Variants in MINDY4 observed in about 807,000 individuals in gnomAD.
MINDY4 encodes the protein MINDY lysine 48 deubiquitinase 4.
A neutral mutation model predicts 87.0 loss-of-function variants in MINDY4; 68 were observed. The ratio of observed to expected loss-of-function variants is 0.78; its 90% CI spans 0.64 to 0.96. MINDY4 has a LOEUF of 0.96. Ranked by LOEUF, MINDY4 falls within the 40% of genes least tolerant of loss-of-function variation. The pLI is 0.00. For synonymous variants in MINDY4, 379 were observed against 363.2 expected, an observed-to-expected ratio of 1.04 and a Z score of -0.50; for missense variants, 919 against 928.2, an observed-to-expected ratio of 0.99 and a Z score of 0.13.
In MINDY4 at chr7:30,839,309, A is replaced by G. The variant is rs754161745; in HGVS notation, c.1349A>G (p.Gln450Arg). The part of the protein sequence containing the change: ...NTASLKYGIV[Q>R]NKGGPCGVLA... ...GCCTCATTAAAATACGGCATAGTGC[A>G]GAACAAGGCAGGTTGCTCCTAGGTT... Residue 450 changes from glutamine to arginine, a missense_variant, in exon 8 of 18, where the codon CAG becomes CGG. Coordinates refer to ENST00000265299, the MANE Select transcript of MINDY4 (RefSeq NM_032222.3). The G allele has an allele frequency of 4.4e-6, 7 of 1,586,478 alleles. No homozygotes were observed. In the African/African-American group the frequency reaches 5.4e-5, roughly 12 times the overall value.
rs1269632033 is a variant in MINDY4 at position 30,836,702 on chromosome 7, C to T, written c.1177C>T (p.Pro393Ser). The T allele has an allele frequency of 3.1e-6, 5 of 1,614,124 alleles. No homozygotes were observed. In the Middle Eastern group the frequency reaches 6.6e-4, roughly 213 times the overall value. ...ELIREEVILS[P>S]VPSVLKLQTA... ...GATAAGGGAAGAGGTCATCCTGTCG[C>T]CAGTCCCATCAGTGCTCAAGTTGCA... Residue 393 changes from proline to serine, a missense_variant, in exon 7 of 18, where the codon CCA (proline) becomes TCA (serine). Transcript: ENST00000265299.
chr7:30,888,596 C>T (rs1252858205), intron 17 of MINDY4, among the ~76,000 whole-genome samples: 2 of 152,216 alleles, frequency 1.3e-5, no homozygotes, highest in Non-Finnish European at 2.9e-5. Context: ...ATGCAGAGCC[C>T]TTCTTACTTG....
chr7:30,838,691 G>C (rs539433623), intron 7 of MINDY4, among the ~76,000 whole-genome samples: 1 of 152,128 alleles, frequency 6.6e-6, no homozygotes, highest in Non-Finnish European at 1.5e-5. Context: ...TCTCAAACCC[G>C]GCACACTGTG....
chr7:30,863,825 A>G (rs956163035), intron 13 of MINDY4, among the ~76,000 whole-genome samples: 1 of 152,178 alleles, frequency 6.6e-6, no homozygotes, highest in Admixed American at 6.5e-5. Flanking sequence ...TTTCTTTTCT[A>G]AGATCTCGAA....
At chr7:30,829,040 G>A (rs1444105718) in intron 6 of MINDY4, among the ~76,000 whole-genome samples, 1 of 152,194 alleles carries the variant, frequency 6.6e-6, no homozygotes, top group Non-Finnish European at 1.5e-5. Flanking sequence ...CTCTTAGTAA[G>A]TTAACTAAGG....
intron 5 of MINDY4, chr7:30,803,260 G>A (rs1401441451): frequency 6.6e-6 from 1 of 152,222 alleles, no homozygotes; most frequent in African/African-American, 2.4e-5. Flanking sequence ...CCTGAGTATA[G>A]GGGTGACTTG....
At chr7:30,777,837 C>T (rs777298955) in intron 1 of MINDY4, among the ~76,000 whole-genome samples, 1 of 152,200 alleles carries the variant, frequency 6.6e-6, no homozygotes, top group African/African-American at 2.4e-5. Flanking sequence ...ACCCTCACTT[C>T]GCCAACCCCA....
At position 30,785,872 on chromosome 7, in the gene MINDY4, G is replaced by C; in HGVS notation, c.543G>C (p.Lys181Asn). Reference protein sequence around the residue: ...ETPVLTSAWEKIDKLHSEPSL... With the variant: ...ETPVLTSAWENIDKLHSEPSL... ...CTGTGTTGACTTCTGCATGGGAGAA[G>C]ATAGACAAGCTTCACTCGGAGCCTT... Residue 181 changes from lysine (K) to asparagine (N), a missense_variant, in exon 4 of 18, where the codon AAG (lysine) becomes AAC (asparagine). By Grantham distance (94) the Lys-to-Asn change is moderately conservative. Coordinates refer to ENST00000265299, the MANE Select transcript of MINDY4 (RefSeq NM_032222.3). 1 of 1,614,256 alleles carries C rather than the reference G, an allele frequency of 6.2e-7. No homozygotes were observed. Among genetic ancestry groups the C allele is most frequent in the Middle Eastern group, 1.6e-4 (1 of 6,062 alleles).
chr7:30,784,918 C>T (rs193209751), intron 3 of MINDY4, among the ~76,000 whole-genome samples: 1 of 152,288 alleles, frequency 6.6e-6, no homozygotes, highest in Admixed American at 6.5e-5. Context: ...TATGGCAGAG[C>T]CCAGTGGTAG....
chr7:30,826,100 A>T (rs1350152923), intron 5 of MINDY4, among the ~76,000 whole-genome samples: 1 of 152,126 alleles, frequency 6.6e-6, no homozygotes, highest in Non-Finnish European at 1.5e-5. Context: ...TATGATAAGG[A>T]TTCTTATAAT....
At chr7:30,848,258 A>C (rs1355315127) in intron 9 of MINDY4, among the ~76,000 whole-genome samples, 1 of 152,176 alleles carries the variant, frequency 6.6e-6, no homozygotes, top group Non-Finnish European at 1.5e-5. Flanking sequence ...TGTTGTAGGA[A>C]GACACGCCCC....
chr7:30,881,362 C>G (rs545042309), intron 15 of MINDY4, among the ~76,000 whole-genome samples: 79 of 152,302 alleles, frequency 5.2e-4, no homozygotes, highest in African/African-American at 1.8e-3. Context: ...TGTGAAATTC[C>G]CCTGCTTGGA....
At chr7:30,846,822 A>G (rs1195893758) in intron 9 of MINDY4, among the ~76,000 whole-genome samples, 1 of 152,162 alleles carries the variant, frequency 6.6e-6, no homozygotes, top group African/African-American at 2.4e-5. Context: ...TTAGATTCTC[A>G]TAAGGAGCGC....
At chr7:30,874,496 T>A (rs10253781) in intron 14 of MINDY4, among the ~76,000 whole-genome samples, 46,916 of 152,174 alleles carry the variant, frequency 0.31, 11,992 homozygotes, top group African/African-American at 0.7. Context: ...CCTTCCAGCC[T>A]TGTTGGTACA....
chr7:30,788,922 G>A (rs1367914855), intron 4 of MINDY4, among the ~76,000 whole-genome samples: 2 of 152,220 alleles, frequency 1.3e-5, no homozygotes, highest in African/African-American at 4.8e-5. Flanking sequence ...GGTGAAGTCA[G>A]CACTTTATTC....
intron 1 of MINDY4, among the ~76,000 whole-genome samples, chr7:30,771,801 C>T (rs1455230241): frequency 6.6e-6 from 1 of 152,228 alleles, no homozygotes; most frequent in Middle Eastern, 3.2e-3. Context: ...CGCTGCCCTC[C>T]TGGGGCATCC....
chr7:30,882,915 TC>T lies in MINDY4; in HGVS notation c.2153-3del. 1.2e-6 allele frequency: 2 copies of T among 1,613,588 alleles called. No homozygotes were observed. The highest frequency in any genetic ancestry group is 1.7e-5 in the Admixed American group (1 of 59,964). On this transcript the variant is annotated splice_region_variant and splice_polypyrimidine_tract_variant and intron_variant, in intron 16 of 17. Transcript: ENST00000265299. ...GACATGTGTGTGCCTCTCTCCTCCT[TC>T]CCAGACACCACCCAAACCATCTCTG...
intron 6 of MINDY4, among the ~76,000 whole-genome samples, chr7:30,829,655 C>T (rs536771947): frequency 6.6e-6 from 1 of 152,338 alleles, no homozygotes; most frequent in African/African-American, 2.4e-5. Context: ...GGTTTGTTTA[C>T]TCTGCCTAAC....
chr7:30,877,841 T>TAAG, intron 15 of MINDY4, among the ~76,000 whole-genome samples: 5 of 133,338 alleles, frequency 3.7e-5, no homozygotes, highest in Non-Finnish European at 4.9e-5. Flanking sequence ...TTTTTTTTTT[T>TAAG]TTTTTTTTTT....
Sources: gnomAD v4.1 joint callset for allele counts (sites outside exome capture counted in the v4.1 genomes callset) on GRCh38, gnomAD v4.1.1 for gene constraint, MANE v1.5 for transcripts, NCBI Gene and HGNC (gene_info 2026-07-23, HGNC 2026-07-21) for gene names.